The following RBM6 variants were observed in gnomAD, a reference collection of about 807,000 sequenced individuals.
RBM6 encodes RNA binding motif protein 6, also known as RNA-binding protein 6.
RBM6 carries 23 observed loss-of-function variants against 140.4 expected under a neutral mutation model. That is an observed-to-expected ratio of 0.16 (90% confidence interval 0.12 to 0.23). The LOEUF is 0.23. Ranked by LOEUF, RBM6 falls within the 10% of genes least tolerant of loss-of-function variation. The probability of loss-of-function intolerance (pLI) is 1.00; values close to 1 mark genes in which losing one functional copy is unlikely to be tolerated. For missense variants in RBM6, 1,139 were observed against 1,386.7 expected, an observed-to-expected ratio of 0.82 and a Z score of 2.84; for synonymous variants, 439 against 475.6, an observed-to-expected ratio of 0.92 and a Z score of 1.00.
chr3:50,068,167 G>A (rs189520294), intron 17 of RBM6, among the ~76,000 whole-genome samples: 3 of 152,272 alleles, frequency 2.0e-5, no homozygotes, highest in Non-Finnish European at 2.9e-5. Flanking sequence ...CCTTAAGGTC[G>A]TCTGCTACAA....
chr3:50,068,829 T>C, intron 18 of RBM6, 65 bp downstream of exon 18: 1 of 1,418,220 alleles, frequency 7.1e-7, no homozygotes. Flanking sequence ...ATAGACTTCA[T>C]AGGCTGTGCT....
intron 8 of RBM6, among the ~76,000 whole-genome samples, chr3:50,056,225 GT>G (rs1004867136): frequency 1.8e-4 from 27 of 151,928 alleles, no homozygotes; most frequent in Non-Finnish European, 2.5e-4. Context: ...GCAAAGTTGT[GT>G]TTTTTTCCCC....
At chr3:50,001,137 T>C (rs1322744514) in intron 6 of RBM6, among the ~76,000 whole-genome samples, 1 of 152,080 alleles carries the variant, frequency 6.6e-6, no homozygotes, top group Non-Finnish European at 1.5e-5. Flanking sequence ...ATTGGACATA[T>C]TCAGGAAAAA....
intron 6 of RBM6, among the ~76,000 whole-genome samples, chr3:50,035,411 G>C (rs865860309): frequency 6.6e-6 from 1 of 152,000 alleles, no homozygotes; most frequent in African/African-American, 2.4e-5. Flanking sequence ...GACAGGGTGC[G>C]GTGGCTCACA....
At chr3:49,998,459 C>T (rs1451707838) in intron 5 of RBM6, among the ~76,000 whole-genome samples, 1 of 152,152 alleles carries the variant, frequency 6.6e-6, no homozygotes, top group African/African-American at 2.4e-5. Flanking sequence ...GTGGAGGAAG[C>T]ATGGAAGCCA....
At chr3:50,070,776 G>A (rs1426245009) in intron 19 of RBM6, among the ~76,000 whole-genome samples, 3 of 152,196 alleles carry the variant, frequency 2.0e-5, no homozygotes, top group Non-Finnish European at 4.4e-5. Flanking sequence ...CAAAGCCAGG[G>A]CTGGAGTAGC....
Position 50,048,248 on chromosome 3 carries a change from A to G in RBM6, c.1561A>G (p.Thr521Ala). The change falls in exon 7 of 21, where the codon ACT (threonine) becomes GCT (alanine). Residue 521 changes from threonine to alanine, a missense_variant. Around this residue, in one of 9 missense-constraint regions of RBM6, gnomAD observed 58 missense variants for 99.7 expected, o/e 0.58. Transcript: ENST00000266022. ...AIGCMEANQG[T>A]LMIQDKEVTL... ...GCTTCTGTCTTTGTCTTTACAGGGA[A>G]CTCTAATGATCCAGGACAAAGAAGT... The G allele has an allele frequency of 6.2e-7, 1 of 1,612,830 alleles. No homozygotes were observed. Among genetic ancestry groups the G allele is most frequent in the Non-Finnish European group, 8.5e-7 (1 of 1,179,510 alleles).
chr3:49,955,826 GTC>G (rs1026911292), intron 1 of RBM6, among the ~76,000 whole-genome samples: 6 of 148,448 alleles, frequency 4.0e-5, no homozygotes, highest in East Asian at 2.0e-4. Context: ...GCAAAACTCT[GTC>G]TCTCTCTCTC....
chr3:50,019,539 G>A (rs1044824366), intron 6 of RBM6, among the ~76,000 whole-genome samples: 1 of 151,222 alleles, frequency 6.6e-6, no homozygotes, highest in Non-Finnish European at 1.5e-5. Flanking sequence ...TCTTCCTATA[G>A]AGATAGGGTC....
chr3:49,979,166 A>T (rs1368318100), intron 5 of RBM6, among the ~76,000 whole-genome samples: 2 of 152,218 alleles, frequency 1.3e-5, no homozygotes, highest in Non-Finnish European at 2.9e-5. Context: ...AAAAGAAGCC[A>T]GACACAAAAG....
intron 6 of RBM6, among the ~76,000 whole-genome samples, chr3:50,002,481 G>A (rs1366668242): frequency 6.6e-6 from 1 of 151,646 alleles, no homozygotes; most frequent in Non-Finnish European, 1.5e-5. Context: ...AGGCTGGTCT[G>A]GAACTCCTGA....
intron 1 of RBM6, among the ~76,000 whole-genome samples, chr3:49,960,741 C>T (rs991934481): frequency 1.3e-5 from 2 of 152,098 alleles, no homozygotes; most frequent in African/African-American, 2.4e-5. Context: ...ATTCCGATTG[C>T]TCATGCTGGA....
chr3:50,061,705 G>C (rs1231793965), intron 14 of RBM6, 158 bp downstream of exon 14: 2 of 1,435,520 alleles, frequency 1.4e-6, no homozygotes, highest in Admixed American at 2.9e-5. Context: ...TATGGAAACA[G>C]AACTGTTGCC....
At chr3:49,982,572 G>A (rs547817762) in intron 5 of RBM6, among the ~76,000 whole-genome samples, 1 of 151,000 alleles carries the variant, frequency 6.6e-6, no homozygotes, top group South Asian at 2.1e-4. Flanking sequence ...CCGCCACCAC[G>A]CCCAGCTAAT....
At chr3:50,046,372 G>T (rs1428172454) in intron 6 of RBM6, among the ~76,000 whole-genome samples, 1 of 151,744 alleles carries the variant, frequency 6.6e-6, no homozygotes, top group Admixed American at 6.6e-5. Flanking sequence ...CTAAGGTTGG[G>T]AATTCGAGAC....
intron 6 of RBM6, among the ~76,000 whole-genome samples, chr3:50,010,900 C>CA (rs776065398): frequency 0.17 from 8,703 of 52,218 alleles, 1,772 homozygotes; most frequent in Middle Eastern, 0.2. Context: ...AAGACTGTCT[C>CA]AAAAAAAAAA....
intron 6 of RBM6, among the ~76,000 whole-genome samples, chr3:50,010,504 G>A (rs1439460115): frequency 6.6e-6 from 1 of 152,066 alleles, no homozygotes; most frequent in Non-Finnish European, 1.5e-5. Flanking sequence ...GACCAAGCTT[G>A]TGCATGTACT....
At chr3:50,025,899 C>G (rs1216049449) in intron 6 of RBM6, among the ~76,000 whole-genome samples, 1 of 151,870 alleles carries the variant, frequency 6.6e-6, no homozygotes, top group Non-Finnish European at 1.5e-5. Flanking sequence ...AAGTATAGAA[C>G]TTTGACCAAC....
chr3:49,944,133 G>A (rs1272243457), intron 1 of RBM6, among the ~76,000 whole-genome samples: 1 of 152,040 alleles, frequency 6.6e-6, no homozygotes, highest in Non-Finnish European at 1.5e-5. Flanking sequence ...CTGAGTTTCT[G>A]TACCCATTGA....
Sources: gnomAD v4.1 joint callset for allele counts (sites outside exome capture counted in the v4.1 genomes callset) on GRCh38, gnomAD v4.1.1 for gene constraint, gnomAD v4.1.1 regional missense constraint, MANE v1.5 for transcripts, NCBI Gene and HGNC (gene_info 2026-07-23, HGNC 2026-07-21) for gene names.